The following ZDHHC22 variants were observed in gnomAD, a reference collection of about 807,000 sequenced individuals.
The protein encoded by ZDHHC22 is zDHHC palmitoyltransferase 22, also known as palmitoyltransferase ZDHHC22.
A neutral mutation model predicts 17.0 loss-of-function variants in ZDHHC22; 13 were observed. That is an observed-to-expected ratio of 0.76 (90% CI 0.50 to 1.21). ZDHHC22 has a LOEUF of 1.21. Ranked by LOEUF, ZDHHC22 falls within the 50% of genes most tolerant of loss-of-function variation. The pLI, the probability that ZDHHC22 is intolerant of heterozygous loss-of-function variation, is 0.00. For synonymous variants in ZDHHC22, 138 were observed against 154.7 expected, an observed-to-expected ratio of 0.89 and a Z score of 0.80; for missense variants, 319 against 342.3, an observed-to-expected ratio of 0.93 and a Z score of 0.54.
chr14:77,141,308 G>A (rs1040182016), intron 1 of ZDHHC22: 2 of 152,404 alleles, frequency 1.3e-5, no homozygotes, highest in African/African-American at 4.8e-5. Context: ...GGCGGCGAAG[G>A]ACAGGGGCTA....
Position 77,136,986 on chromosome 14 carries a change from G to T in ZDHHC22, c.526+2227C>A, listed in dbSNP as rs1157337384. Among the ~76,000 whole-genome samples the T allele has an allele frequency of 2.0e-5, 3 of 152,196 alleles. 1 individual carries two copies. Among genetic ancestry groups the T allele is most frequent in the South Asian group, 4.1e-4 (2 of 4,822 alleles). On this transcript the variant is annotated intron_variant, in intron 2 of 2. Coordinates refer to ENST00000319374, the MANE Select transcript of ZDHHC22 (RefSeq NM_174976.2). ...TGTAGCAACGGAGTCTCACCATCTT[G>T]CCCAGGCTGATCTTGAACTCAATTT...
At chr14:77,134,445 G>A (rs1887097520) in intron 2 of ZDHHC22, among the ~76,000 whole-genome samples, 1 of 152,230 alleles carries the variant, frequency 6.6e-6, no homozygotes, top group Non-Finnish European at 1.5e-5. Flanking sequence ...CGCTGGTTGA[G>A]AGGACTCAGG....
At chr14:77,139,998 C>G (rs1479992655) in intron 1 of ZDHHC22, among the ~76,000 whole-genome samples, 2 of 152,138 alleles carry the variant, frequency 1.3e-5, no homozygotes, top group African/African-American at 2.4e-5. Context: ...TGAGCGAGCT[C>G]GGCGCCTTGG....
chr14:77,139,379 G>A lies in ZDHHC22; in HGVS notation c.360C>T (p.Ser120=). The change falls in exon 2 of 3, where the codon AGC becomes AGT. Residue 120 remains serine, a synonymous_variant. Coordinates refer to ENST00000319374, the MANE Select transcript of ZDHHC22 (RefSeq NM_174976.2). ...ACAGGACGAAGTTGCGCATGTTCCT[G>A]CTGCCGATGCAGTTGCCGGTGAAGA... is the stretch of plus-strand genomic sequence containing the variant. ...HCFFTGNCIG[S]RNMRNFVLFC... 1 of 1,605,130 alleles carries A rather than the reference G, an allele frequency of 6.2e-7. No homozygotes were observed. The highest frequency in any genetic ancestry group is 8.5e-7 in the Non-Finnish European group (1 of 1,176,176).
chr14:77,138,363 G>A (rs1031569132), intron 2 of ZDHHC22, among the ~76,000 whole-genome samples: 3 of 152,126 alleles, frequency 2.0e-5, no homozygotes, highest in African/African-American at 4.8e-5. Flanking sequence ...TTCAAGGCCC[G>A]CCTGGCCAAC....
In ZDHHC22 at chr14:77,133,600, C is replaced by A; in HGVS notation, c.*83G>T. The A allele has an allele frequency of 1.3e-6, 2 of 1,537,704 alleles. No individual in the cohort carries two copies. The highest frequency in any genetic ancestry group is 1.8e-6 in the Non-Finnish European group (2 of 1,139,248). Reference sequence around the variant, plus strand: ...TTACCAGCACAAGGTTGTAGTGAGTCATGGGTGGAGACAAGGCTGCCATGG... The same window carrying A: ...TTACCAGCACAAGGTTGTAGTGAGTAATGGGTGGAGACAAGGCTGCCATGG... On this transcript the variant is annotated 3_prime_UTR_variant, in exon 3 of 3. Transcript: ENST00000319374.
chr14:77,137,401 A>G (rs1025581246), intron 2 of ZDHHC22, among the ~76,000 whole-genome samples: 1 of 152,228 alleles, frequency 6.6e-6, no homozygotes, highest in South Asian at 2.1e-4. Flanking sequence ...TTTATCTCAA[A>G]TCAAACCATT....
intron 2 of ZDHHC22, 136 bp downstream of exon 2, chr14:77,139,077 A>G: frequency 9.8e-7 from 1 of 1,021,170 alleles, no homozygotes; most frequent in East Asian, 2.6e-5. Context: ...TTTATCTGAA[A>G]TTTTAATTTA....
At chr14:77,138,407 A>T (rs567292001) in intron 2 of ZDHHC22, among the ~76,000 whole-genome samples, 2 of 152,196 alleles carry the variant, frequency 1.3e-5, no homozygotes, top group Non-Finnish European at 2.9e-5. Context: ...AAAATACAAA[A>T]ATTAGTGTGG....
At chr14:77,134,430 G>T (rs1482372498) in intron 2 of ZDHHC22, among the ~76,000 whole-genome samples, 3 of 152,212 alleles carry the variant, frequency 2.0e-5, no homozygotes, top group Admixed American at 6.5e-5. Context: ...CTACTGTTCT[G>T]GGAACGCTGG....
chr14:77,138,245 T>G (rs1887176267), intron 2 of ZDHHC22, among the ~76,000 whole-genome samples: 1 of 152,120 alleles, frequency 6.6e-6, no homozygotes, highest in South Asian at 2.1e-4. Context: ...GTAGTGGTCC[T>G]TGGTGCATAC....
At chr14:77,135,190 T>TGGCGG (rs930379188) in intron 2 of ZDHHC22, among the ~76,000 whole-genome samples, 1 of 143,758 alleles carries the variant, frequency 7.0e-6, no homozygotes, top group African/African-American at 2.7e-5. Context: ...CCTCCTCTGG[T>TGGCGG]GGGGGGGGGG....
At chr14:77,135,396 G>A (rs971775340) in intron 2 of ZDHHC22, among the ~76,000 whole-genome samples, 5 of 152,198 alleles carry the variant, frequency 3.3e-5, no homozygotes, top group African/African-American at 1.2e-4. Context: ...CAGCCATGGA[G>A]GATGTGGATC....
At chr14:77,136,198 G>A in intron 2 of ZDHHC22, among the ~76,000 whole-genome samples, 1 of 152,132 alleles carries the variant, frequency 6.6e-6, no homozygotes, top group East Asian at 1.9e-4. Context: ...TATGGTGGGT[G>A]GAAAGAGTAT....
chr14:77,139,063 GT>G (rs1422802620), intron 2 of ZDHHC22, 149 bp downstream of exon 2: 1 of 920,466 alleles, frequency 1.1e-6, no homozygotes, highest in Non-Finnish European at 1.6e-6. Flanking sequence ...AAAATTATGA[GT>G]TGTTTATCTG....
intron 1 of ZDHHC22, chr14:77,141,179 G>C (rs1887248093): frequency 6.6e-6 from 1 of 152,132 alleles, no homozygotes; most frequent in Admixed American, 6.5e-5. Context: ...GCCGGGGGCT[G>C]CGGCGGTGCT....
intron 2 of ZDHHC22, among the ~76,000 whole-genome samples, chr14:77,135,229 C>T (rs1349281155): frequency 6.6e-6 from 1 of 151,188 alleles, no homozygotes; most frequent in Non-Finnish European, 1.5e-5. Context: ...CACCTTACAA[C>T]CTATTCTGCC....
In ZDHHC22 at chr14:77,141,674, A is replaced by G. The variant is rs2021852; in HGVS notation, c.-86T>C. 0.76 allele frequency: 116,242 copies of G among 152,584 alleles called. 44,816 individuals carry two copies. The highest frequency in any genetic ancestry group is 0.88 in the African/African-American group (36,746 of 41,568). 9.5% of individuals were successfully genotyped at this position (152,584 alleles called of 1,614,324 possible). The stretch of plus-strand genomic sequence containing the variant: ...CCTGCCCGAGGCTGCAAAGTTGTGG[A>G]CTCGGCCCGGCTGGCTCGCAGCCTG... On this transcript the variant is annotated 5_prime_UTR_variant, in exon 1 of 3. Coordinates refer to ENST00000319374, the MANE Select transcript of ZDHHC22 (RefSeq NM_174976.2).
chr14:77,138,561 TA>T (rs200809050), intron 2 of ZDHHC22, among the ~76,000 whole-genome samples: 40,263 of 145,230 alleles, frequency 0.28, 5,575 homozygotes, highest in East Asian at 0.48. Flanking sequence ...GACTCTGTCT[TA>T]AAAAAAAAAA....
Sources: allele counts gnomAD v4.1 joint callset (sites outside exome capture counted in the v4.1 genomes callset), GRCh38; gene constraint gnomAD v4.1.1; transcripts MANE v1.5; gene names NCBI Gene and HGNC (gene_info 2026-07-23, HGNC 2026-07-21).